Variants in HYDIN observed in about 807,000 individuals in gnomAD.
The protein encoded by HYDIN is HYDIN axonemal central pair apparatus protein, also known as axonemal central pair apparatus protein HYDIN.
In HYDIN, 132 loss-of-function variants were observed where a neutral mutation model predicts 403.9. That is an observed-to-expected ratio of 0.33 (90% CI 0.28 to 0.38). The LOEUF is 0.38. HYDIN is among the 10% of genes least tolerant of loss of function. The probability of loss-of-function intolerance (pLI) is 1.00; values close to 1 mark genes in which losing one functional copy is unlikely to be tolerated. For missense variants in HYDIN, 2,827 were observed against 5,009.5 expected (o/e 0.56, Z 13.15); for synonymous variants, 1,202 against 1,891.7 (o/e 0.64, Z 9.46).
At chr16:71,211,105 C>T (rs939518943) in intron 1 of HYDIN, among the ~76,000 whole-genome samples, 7 of 152,110 alleles carry the variant, frequency 4.6e-5, no homozygotes, top group African/African-American at 1.7e-4. Context: ...TAGACTGGGA[C>T]CCAAAATTAA....
chr16:71,088,643 A>C (rs1037936508), intron 11 of HYDIN, 119 bp from the exon 12 acceptor site: 5 of 574,692 alleles, frequency 8.7e-6, no homozygotes, highest in Non-Finnish European at 1.6e-5. Context: ...AGAACCAAAG[A>C]AGAACACTCA....
chr16:71,218,670 T>C (rs2089022209), intron 1 of HYDIN, among the ~76,000 whole-genome samples: 1 of 152,248 alleles, frequency 6.6e-6, no homozygotes, highest in African/African-American at 2.4e-5. Context: ...CAATATTTCA[T>C]GATTTGGCAA....
intron 19 of HYDIN, among the ~76,000 whole-genome samples, chr16:71,031,017 G>T (rs1263055647): frequency 6.6e-6 from 1 of 150,790 alleles, no homozygotes. Flanking sequence ...TGGCTAACAC[G>T]GTGAAACCCC....
chr16:70,908,720 T>A lies in HYDIN; in HGVS notation c.8146A>T (p.Ile2716Phe). ...AGGTCTGTATCTGACAGCTGGGAAA[T>A]GGTTCCAGCAGGTTCCCCAGAAAGG... ...KVLSGEPAGT[I>F]SQLSDTDLDN... The change falls in exon 48 of 86, where the codon ATT (isoleucine) becomes TTT (phenylalanine). Residue 2716 changes from isoleucine to phenylalanine, a missense_variant. Transcript: ENST00000393567. 4.3e-6 allele frequency: 7 copies of A among 1,613,210 alleles called. No homozygotes were observed. The highest frequency in any genetic ancestry group is 5.9e-6 in the Non-Finnish European group (7 of 1,179,660).
rs531286695 is a variant in HYDIN, at chr16:70,804,751, C to G, written c.*2829G>C. Among the ~76,000 whole-genome samples the G allele has an allele frequency of 2.0e-5, 3 of 152,184 alleles. No homozygotes were observed. In the East Asian group the frequency reaches 5.8e-4, roughly 29 times the overall value. ...ACAGCTATGAGGAAGCAGGTCTGAG[C>G]GCAGGCTGATCTAGTGATTAATGCT... On this transcript the variant is annotated 3_prime_UTR_variant, in exon 86 of 86. Transcript: ENST00000393567.
intron 1 of HYDIN, among the ~76,000 whole-genome samples, chr16:71,198,142 C>A (rs537624491): frequency 1.3e-5 from 2 of 152,150 alleles, no homozygotes; most frequent in Non-Finnish European, 2.9e-5. Flanking sequence ...ATATTATGTA[C>A]GTTTTGTGTC....
chr16:70,881,931 T>C (rs2040832545), intron 60 of HYDIN, among the ~76,000 whole-genome samples: 1 of 152,208 alleles, frequency 6.6e-6, no homozygotes, highest in African/African-American at 2.4e-5. Context: ...AGAAACCCAC[T>C]GATTAAGACC....
chr16:71,130,432 C>A (rs1165899852), intron 8 of HYDIN, among the ~76,000 whole-genome samples: 1 of 146,990 alleles, frequency 6.8e-6, no homozygotes, highest in African/African-American at 2.5e-5. Context: ...GGCTCTAGTG[C>A]AGTTCCTGGG....
At chr16:70,960,986 C>A (rs1209905939) in intron 38 of HYDIN, among the ~76,000 whole-genome samples, 2 of 152,250 alleles carry the variant, frequency 1.3e-5, no homozygotes, top group African/African-American at 4.8e-5. Flanking sequence ...CCACCTTGCC[C>A]GGCCTAGCTC....
chr16:70,890,474 A>C (rs1205797210), intron 57 of HYDIN, among the ~76,000 whole-genome samples: 1 of 152,234 alleles, frequency 6.6e-6, no homozygotes, highest in East Asian at 1.9e-4. Flanking sequence ...CTAGGAAGAA[A>C]GAGACTTTAC....
chr16:71,098,232 C>T (rs1230947518), intron 10 of HYDIN, among the ~76,000 whole-genome samples: 9 of 144,032 alleles, frequency 6.2e-5, no homozygotes, highest in Non-Finnish European at 1.2e-4. Context: ...GATGGAGTCT[C>T]GCTCTGTCAC....
Position 71,230,669 on chromosome 16 carries a change from A to T in HYDIN, c.-131T>A. On this transcript the variant is annotated 5_prime_UTR_variant, in exon 1 of 86. Transcript: ENST00000393567. Reference sequence around the variant, plus strand: ...CTGAGGGGCTCCATACCCAGCTTGAAGCCGCCCGCACTCTCCATGCGCCGC... The same window carrying T: ...CTGAGGGGCTCCATACCCAGCTTGATGCCGCCCGCACTCTCCATGCGCCGC... 6.5e-7 allele frequency: 1 copy of T among 1,536,006 alleles called. No homozygotes were observed. Among genetic ancestry groups the T allele is most frequent in the Non-Finnish European group, 8.7e-7 (1 of 1,146,866 alleles).
intron 72 of HYDIN, among the ~76,000 whole-genome samples, chr16:70,856,826 T>C (rs111512611): frequency 0.079 from 11,970 of 152,256 alleles, 486 homozygotes; most frequent in East Asian, 0.14. Flanking sequence ...TAACACTGCT[T>C]TCCTTTGGAG....
intron 1 of HYDIN, among the ~76,000 whole-genome samples, chr16:71,194,019 C>T (rs1053881771): frequency 2.6e-5 from 4 of 152,192 alleles, no homozygotes; most frequent in African/African-American, 9.7e-5. Flanking sequence ...CAAACACTGC[C>T]TCTTCTATTT....
In HYDIN at chr16:70,807,178, T is replaced by A. The variant is rs995496544; in HGVS notation, c.*402A>T. Among the ~76,000 whole-genome samples, 1 of 152,240 alleles carries A rather than the reference T, an allele frequency of 6.6e-6. No homozygotes were observed. The highest frequency in any genetic ancestry group is 2.4e-5 in the African/African-American group (1 of 41,466). On this transcript the variant is annotated 3_prime_UTR_variant, in exon 86 of 86. Transcript: ENST00000393567. ...AAAATAGTCATGTCTAAGGGCTTTT[T>A]AAACCATTTTGGATTTTAAAAAGAA...
At chr16:70,867,337 C>T (rs2502689) in intron 66 of HYDIN, among the ~76,000 whole-genome samples, 20 of 140,124 alleles carry the variant, frequency 1.4e-4, no homozygotes, top group Non-Finnish European at 6.0e-5. Flanking sequence ...TGCCAAGTGT[C>T]GGAGAGGACA....
At chr16:70,960,483 AG>A (rs1381659659) in intron 38 of HYDIN, among the ~76,000 whole-genome samples, 1 of 137,396 alleles carries the variant, frequency 7.3e-6, no homozygotes, top group African/African-American at 3.1e-5. Context: ...ATTGGCCTAG[AG>A]GAACGTCTAG....
At chr16:71,063,701 G>A (rs1454288790) in intron 16 of HYDIN, among the ~76,000 whole-genome samples, 1 of 152,102 alleles carries the variant, frequency 6.6e-6, no homozygotes, top group Non-Finnish European at 1.5e-5. Flanking sequence ...TCTCTCTTAC[G>A]TAACAGCCCC....
chr16:71,203,923 T>A (rs1294656499), intron 1 of HYDIN: 1 of 413,666 alleles, frequency 2.4e-6, no homozygotes, highest in African/African-American at 2.0e-5. Flanking sequence ...AGATTAGCTG[T>A]GCATGGTGGT....
Sources: allele counts gnomAD v4.1 joint callset (sites outside exome capture counted in the v4.1 genomes callset), GRCh38; gene constraint gnomAD v4.1.1; transcripts MANE v1.5; gene names NCBI Gene and HGNC (gene_info 2026-07-23, HGNC 2026-07-21).